The following PCDH9 variants were observed in gnomAD, a reference collection of about 807,000 sequenced individuals.
PCDH9 encodes the protein protocadherin 9.
PCDH9 carries 24 observed loss-of-function variants against 70.6 expected under a neutral mutation model. The ratio of observed to expected loss-of-function variants is 0.34; its 90% CI spans 0.25 to 0.48. PCDH9 has a LOEUF of 0.48. Among genes scored for constraint, PCDH9 ranks in the 20% least tolerant of loss-of-function variants. The pLI, the probability that PCDH9 is intolerant of heterozygous loss-of-function variation, is 0.99. For synonymous variants in PCDH9, 562 were observed against 558.5 expected, an observed-to-expected ratio of 1.01 and a Z score of -0.09; for missense variants, 1,281 against 1,503.6, an observed-to-expected ratio of 0.85 and a Z score of 2.45.
intron 4 of PCDH9, among the ~76,000 whole-genome samples, chr13:66,364,736 C>A (rs1221921102): frequency 6.6e-6 from 1 of 152,080 alleles, no homozygotes; most frequent in Non-Finnish European, 1.5e-5. Flanking sequence ...GAAAGAAAAC[C>A]TTGGAGAGAA....
intron 4 of PCDH9, among the ~76,000 whole-genome samples, chr13:66,531,878 A>G (rs1960471759): frequency 6.6e-6 from 1 of 152,200 alleles, no homozygotes; most frequent in East Asian, 1.9e-4. Context: ...ACATGCTTGC[A>G]TTAACTTAAG....
chr13:66,488,106 G>A (rs143768406), intron 4 of PCDH9, among the ~76,000 whole-genome samples: 5 of 152,222 alleles, frequency 3.3e-5, no homozygotes, highest in African/African-American at 1.2e-4. Flanking sequence ...TAAAACCACT[G>A]AGATTTTAGG....
At chr13:66,736,977 A>G (rs7327039) in intron 3 of PCDH9, among the ~76,000 whole-genome samples, 8,283 of 152,148 alleles carry the variant, frequency 0.054, 713 homozygotes, top group African/African-American at 0.19. Flanking sequence ...CATATAAAAT[A>G]TACGTTCCTG....
intron 4 of PCDH9, among the ~76,000 whole-genome samples, chr13:66,361,221 C>T (rs960761900): frequency 6.6e-6 from 1 of 152,076 alleles, no homozygotes; most frequent in African/African-American, 2.4e-5. Context: ...CATAATTATA[C>T]CCCTTTACTC....
chr13:66,959,280 T>C (rs546189494), intron 2 of PCDH9, among the ~76,000 whole-genome samples: 2 of 152,178 alleles, frequency 1.3e-5, no homozygotes, highest in Non-Finnish European at 2.9e-5. Context: ...ATAAGGAAAG[T>C]GTGACTTTAA....
intron 2 of PCDH9, among the ~76,000 whole-genome samples, chr13:67,186,550 G>C (rs887885480): frequency 2.0e-5 from 3 of 152,230 alleles, no homozygotes; most frequent in African/African-American, 7.2e-5. Flanking sequence ...TGGGTAGACT[G>C]CATTTTGAGT....
At chr13:66,774,730 C>G (rs1350995357) in intron 3 of PCDH9, among the ~76,000 whole-genome samples, 5 of 152,142 alleles carry the variant, frequency 3.3e-5, no homozygotes, top group Non-Finnish European at 5.9e-5. Context: ...ATTAAAGTGG[C>G]CTCCATTCAA....
intron 3 of PCDH9, among the ~76,000 whole-genome samples, chr13:66,866,438 C>A (rs1377860897): frequency 2.0e-5 from 3 of 150,892 alleles, no homozygotes; most frequent in East Asian, 2.0e-4. Context: ...GCTGAGATTG[C>A]GCCACTGCAC....
chr13:66,777,654 G>A (rs2079920182), intron 3 of PCDH9, among the ~76,000 whole-genome samples: 2 of 152,166 alleles, frequency 1.3e-5, no homozygotes, highest in African/African-American at 4.8e-5. Flanking sequence ...AGGATGTGGA[G>A]AAATAGGAAC....
intron 3 of PCDH9, among the ~76,000 whole-genome samples, chr13:66,854,349 A>G (rs2139462226): frequency 6.6e-6 from 1 of 152,288 alleles, no homozygotes; most frequent in South Asian, 2.1e-4. Flanking sequence ...ATTTTTTATT[A>G]TAAAATCATC....
At chr13:67,118,967 T>A (rs1351504167) in intron 2 of PCDH9, among the ~76,000 whole-genome samples, 3 of 152,304 alleles carry the variant, frequency 2.0e-5, no homozygotes, top group African/African-American at 7.2e-5. Flanking sequence ...TTAATTTAGT[T>A]GTGCTTGGGA....
At chr13:66,452,448 T>A (rs1201105479) in intron 4 of PCDH9, among the ~76,000 whole-genome samples, 1 of 152,160 alleles carries the variant, frequency 6.6e-6, no homozygotes, top group Non-Finnish European at 1.5e-5. Flanking sequence ...TTCTGACTGT[T>A]CCCTCTTCCT....
At chr13:66,670,538 G>T (rs2078159704) in intron 3 of PCDH9, among the ~76,000 whole-genome samples, 2 of 152,108 alleles carry the variant, frequency 1.3e-5, no homozygotes, top group Non-Finnish European at 2.9e-5. Context: ...TTGGTGGCAT[G>T]CAGTTTTAAA....
chr13:67,100,781 G>C (rs565158362), intron 2 of PCDH9, among the ~76,000 whole-genome samples: 2 of 152,128 alleles, frequency 1.3e-5, no homozygotes, highest in African/African-American at 2.4e-5. Flanking sequence ...ATTGCTCTAA[G>C]CTATTCATTC....
intron 4 of PCDH9, among the ~76,000 whole-genome samples, chr13:66,408,922 T>A (rs1056810646): frequency 7.2e-5 from 11 of 152,206 alleles, no homozygotes; most frequent in African/African-American, 2.7e-4. Context: ...GACAAAAATC[T>A]TCCTACTTCT....
chr13:66,445,923 T>C (rs1469564340), intron 4 of PCDH9, among the ~76,000 whole-genome samples: 1 of 151,464 alleles, frequency 6.6e-6, no homozygotes, highest in East Asian at 1.9e-4. Context: ...TGGTAAGCCT[T>C]TCGATGCCAA....
At chr13:67,172,039 G>A (rs898176588) in intron 2 of PCDH9, among the ~76,000 whole-genome samples, 8 of 152,122 alleles carry the variant, frequency 5.3e-5, no homozygotes, top group African/African-American at 1.4e-4. Context: ...TTATCACATC[G>A]GATGAAACTT....
At chr13:67,031,619 G>C (rs889520493) in intron 2 of PCDH9, among the ~76,000 whole-genome samples, 3 of 152,176 alleles carry the variant, frequency 2.0e-5, no homozygotes, top group East Asian at 3.8e-4. Flanking sequence ...GGAGATGGAG[G>C]TTGCAGTGAG....
intron 2 of PCDH9, among the ~76,000 whole-genome samples, chr13:66,966,133 A>G (rs1413573556): frequency 6.6e-6 from 1 of 152,110 alleles, no homozygotes; most frequent in Non-Finnish European, 1.5e-5. Flanking sequence ...AGGGGTTTTA[A>G]GCCAGGGAAG....
Sources: gnomAD v4.1 joint callset for allele counts (sites outside exome capture counted in the v4.1 genomes callset) on GRCh38, gnomAD v4.1.1 for gene constraint, MANE v1.5 for transcripts, NCBI Gene and HGNC (gene_info 2026-07-23, HGNC 2026-07-21) for gene names.